Variants in MINDY2 observed in about 807,000 individuals in gnomAD.
The protein encoded by MINDY2 is MINDY lysine 48 deubiquitinase 2.
In MINDY2, 52 loss-of-function variants were observed where a neutral mutation model predicts 68.2. The ratio of observed to expected loss-of-function variants is 0.76; its 90% CI spans 0.61 to 0.96. MINDY2 has a LOEUF of 0.96. MINDY2 is among the 40% of genes least tolerant of loss of function. The pLI, the probability that MINDY2 is intolerant of heterozygous loss-of-function variation, is 0.00. For synonymous variants in MINDY2, 372 were observed against 303.0 expected (o/e 1.23, Z -2.36); for missense variants, 881 against 773.4 (o/e 1.14, Z -1.65).
intron 1 of MINDY2, among the ~76,000 whole-genome samples, chr15:58,785,938 C>T (rs1221414882): frequency 2.0e-5 from 3 of 152,140 alleles, no homozygotes; most frequent in East Asian, 1.9e-4. Flanking sequence ...CTCAACCTCC[C>T]GGATTACAGG....
At chr15:58,784,688 C>T (rs1484934813) in intron 1 of MINDY2, among the ~76,000 whole-genome samples, 4 of 144,202 alleles carry the variant, frequency 2.8e-5, no homozygotes, top group East Asian at 4.0e-4. Flanking sequence ...GGCATGATAG[C>T]GGCTCACTTC....
At chr15:58,791,294 A>T (rs1323896229) in intron 2 of MINDY2, among the ~76,000 whole-genome samples, 1 of 141,128 alleles carries the variant, frequency 7.1e-6, no homozygotes. Context: ...AGCACTTTCA[A>T]TTAAAATTTC....
chr15:58,820,483 A>G (rs532506699), intron 4 of MINDY2, among the ~76,000 whole-genome samples: 2 of 152,170 alleles, frequency 1.3e-5, no homozygotes, highest in Non-Finnish European at 2.9e-5. Flanking sequence ...TATGCCTGTA[A>G]ACATTTTCCA....
At chr15:58,791,215 TTATATATATATA>T (rs57998049) in intron 2 of MINDY2, among the ~76,000 whole-genome samples, 1,422 of 79,572 alleles carry the variant, frequency 0.018, 51 homozygotes, top group African/African-American at 0.044. Flanking sequence ...GAAAGCAATT[TTATATATATATA>T]TATATATATA....
intron 2 of MINDY2, among the ~76,000 whole-genome samples, chr15:58,800,300 T>C (rs1445994221): frequency 6.6e-6 from 1 of 152,192 alleles, no homozygotes; most frequent in African/African-American, 2.4e-5. Context: ...CAACCTGATT[T>C]ACCTGCAAAC....
intron 5 of MINDY2, among the ~76,000 whole-genome samples, chr15:58,831,078 G>C (rs1033956886): frequency 1.5e-5 from 2 of 133,158 alleles, no homozygotes; most frequent in Non-Finnish European, 3.2e-5. Context: ...ATTATACCCC[G>C]GATCACTTCT....
chr15:58,858,015 C>T lies in MINDY2; in HGVS notation c.*3405C>T, dbSNP rs1399902590. ...ACTTTACATATGTGTGTTTCTGAAG[C>T]AAGTTTTCATGACCTCTGTTAGATT... On this transcript the variant is annotated 3_prime_UTR_variant, in exon 9 of 9. Coordinates refer to ENST00000559228, the MANE Select transcript of MINDY2 (RefSeq NM_001040450.3). 1 of 152,170 alleles carries T rather than the reference C, an allele frequency of 6.6e-6. No homozygotes were observed. Among genetic ancestry groups the T allele is most frequent in the Non-Finnish European group, 1.5e-5 (1 of 68,032 alleles). 9.4% of individuals were successfully genotyped at this position (152,170 alleles called of 1,614,324 possible).
At chr15:58,786,838 T>A (rs1901536230) in intron 1 of MINDY2, among the ~76,000 whole-genome samples, 1 of 152,154 alleles carries the variant, frequency 6.6e-6, no homozygotes. Flanking sequence ...TAGTAATTTA[T>A]TTTTTATTGA....
At chr15:58,850,230 G>A (rs1335121309) in intron 7 of MINDY2, among the ~76,000 whole-genome samples, 1 of 152,158 alleles carries the variant, frequency 6.6e-6, no homozygotes, top group Non-Finnish European at 1.5e-5. Context: ...CATGGGAGGA[G>A]GGAGGAGATG....
rs1160210344 is a variant in MINDY2, at chr15:58,857,175, T to TG, written c.*2571dup. The TG allele has an allele frequency of 1.3e-5, 2 of 152,256 alleles. No homozygotes were observed. Among genetic ancestry groups the TG allele is most frequent in the East Asian group, 3.9e-4 (2 of 5,190 alleles). The allele number at this position is 152,256 out of a possible 1,614,324, so 9.4% of individuals were successfully genotyped here. ...GATAAAATGTTTGCTTTGATTACTG[T>TG]GGGGGGAAAGATGAAATGTTCAATT... On this transcript the variant is annotated 3_prime_UTR_variant, in exon 9 of 9. Coordinates refer to ENST00000559228, the MANE Select transcript of MINDY2 (RefSeq NM_001040450.3).
At chr15:58,823,769 T>G (rs979585919) in intron 5 of MINDY2, among the ~76,000 whole-genome samples, 3 of 152,194 alleles carry the variant, frequency 2.0e-5, no homozygotes, top group Non-Finnish European at 4.4e-5. Flanking sequence ...TGTTCAAATT[T>G]TAGGAGAGAA....
chr15:58,811,491 C>A (rs183835563), intron 4 of MINDY2, among the ~76,000 whole-genome samples: 1 of 152,230 alleles, frequency 6.6e-6, no homozygotes, highest in Admixed American at 6.5e-5. Flanking sequence ...GCATCTTAGA[C>A]CTAGCAACAG....
intron 6 of MINDY2, among the ~76,000 whole-genome samples, chr15:58,833,627 A>G (rs554455602): frequency 2.2e-3 from 334 of 152,192 alleles, no homozygotes; most frequent in African/African-American, 7.7e-3. Context: ...GGTAAAGAAA[A>G]AAGTGCTGTG....
intron 4 of MINDY2, among the ~76,000 whole-genome samples, chr15:58,817,025 A>G (rs2030732974): frequency 6.6e-6 from 1 of 152,222 alleles, no homozygotes; most frequent in Non-Finnish European, 1.5e-5. Context: ...AAAGTTTGAA[A>G]CTATGTTCCT....
intron 7 of MINDY2, among the ~76,000 whole-genome samples, chr15:58,850,138 C>T (rs1460826772): frequency 6.6e-6 from 1 of 152,132 alleles, no homozygotes; most frequent in African/African-American, 2.4e-5. Flanking sequence ...TTTTAGTCAA[C>T]ACCGACTCTT....
chr15:58,791,664 G>GTGTGTA (rs1555428864), intron 2 of MINDY2, among the ~76,000 whole-genome samples: 28 of 139,872 alleles, frequency 2.0e-4, no homozygotes, highest in African/African-American at 6.3e-4. Context: ...GTGTGTGTAT[G>GTGTGTA]TGTGTGTGTG....
chr15:58,771,801 G>T lies in MINDY2; in HGVS notation c.406G>T (p.Ala136Ser), dbSNP rs756945687. 1.9e-6 allele frequency: 3 copies of T among 1,609,400 alleles called. No individual in the cohort carries two copies. The highest frequency in any genetic ancestry group is 8.5e-7 in the Non-Finnish European group (1 of 1,178,812). The change falls in exon 1 of 9, where the codon GCC (alanine) becomes TCC (serine). Residue 136 changes from alanine to serine, a missense_variant. Coordinates refer to ENST00000559228, the MANE Select transcript of MINDY2 (RefSeq NM_001040450.3). ...AGACGCGGGAGCCCGCCCGGATCTC[G>T]CCGGCACCTGCCAAGCAGAACTGAC... ...AGDAGARPDLAGTCQAELTAA... is the reference protein window; with the variant it reads ...AGDAGARPDLSGTCQAELTAA...
At chr15:58,778,911 C>G (rs1167259179) in intron 1 of MINDY2, among the ~76,000 whole-genome samples, 2 of 145,668 alleles carry the variant, frequency 1.4e-5, no homozygotes, top group African/African-American at 5.2e-5. Flanking sequence ...CTCCTGGGTT[C>G]ATGCAGTTTC....
rs565903995 is a variant in MINDY2, at chr15:58,778,424, AT to A, written c.840+6197del. On this transcript the variant is annotated intron_variant, in intron 1 of 8. Coordinates refer to ENST00000559228, the MANE Select transcript of MINDY2 (RefSeq NM_001040450.3). ...AGGAATGCCAGGGTCCTGAAGCAGGATTTTTTTTATATAAAGTTGGTTTCTC... is the reference window on the plus strand; with the variant it reads ...AGGAATGCCAGGGTCCTGAAGCAGGATTTTTTTATATAAAGTTGGTTTCTC... Among the ~76,000 whole-genome samples the A allele has an allele frequency of 6.1e-3, 919 of 151,754 alleles. 16 individuals are homozygous for A. The highest frequency in any genetic ancestry group is 0.021 in the African/African-American group (888 of 41,418).
Sources: gnomAD v4.1 joint callset for allele counts (sites outside exome capture counted in the v4.1 genomes callset) on GRCh38, gnomAD v4.1.1 for gene constraint, MANE v1.5 for transcripts, NCBI Gene and HGNC (gene_info 2026-07-23, HGNC 2026-07-21) for gene names.